KIFC3: variants seen among roughly 807,000 people sequenced by gnomAD.
KIFC3 encodes kinesin-like protein KIFC3.
A neutral mutation model predicts 101.8 loss-of-function variants in KIFC3; 60 were observed. The observed-to-expected ratio is 0.59, with a 90% CI of 0.48 to 0.73. The LOEUF is 0.73. KIFC3 is among the 30% of genes least tolerant of loss of function. KIFC3 has a pLI of 0.00. For missense variants in KIFC3, 966 were observed against 1,137.1 expected, an observed-to-expected ratio of 0.85 and a Z score of 2.16; for synonymous variants, 476 against 482.7, an observed-to-expected ratio of 0.99 and a Z score of 0.18.
chr16:57,811,102 G>T (rs2055061033), intron 1 of KIFC3, among the ~76,000 whole-genome samples: 1 of 152,194 alleles, frequency 6.6e-6, no homozygotes, highest in Non-Finnish European at 1.5e-5. Context: ...TGATCCAAGG[G>T]CAGGAGCATC....
intron 1 of KIFC3, among the ~76,000 whole-genome samples, chr16:57,844,448 A>T (rs1212437715): frequency 1.3e-5 from 2 of 151,614 alleles, no homozygotes; most frequent in Non-Finnish European, 2.9e-5. Context: ...AAAAAAAAAA[A>T]AAAAAGGCAG....
At chr16:57,855,945 CA>C (rs34278624) in intron 1 of KIFC3, among the ~76,000 whole-genome samples, 85,832 of 123,166 alleles carry the variant, frequency 0.7, 28,310 homozygotes, top group East Asian at 0.87. Context: ...GACTCCATCT[CA>C]AAAAAAAAAA....
chr16:57,842,450 G>A (rs2055833655), intron 1 of KIFC3, among the ~76,000 whole-genome samples: 1 of 152,184 alleles, frequency 6.6e-6, no homozygotes, highest in Non-Finnish European at 1.5e-5. Flanking sequence ...GTCCAGTGCA[G>A]CAGAGCGGGA....
upstream of KIFC3, chr16:57,807,787 A>G (rs2054969095): frequency 6.6e-6 from 1 of 152,066 alleles, no homozygotes; most frequent in Admixed American, 6.5e-5. Context: ...ACAACAAGCC[A>G]GGCGCGGTGG....
At chr16:57,765,805 A>T in intron 10 of KIFC3, 165 bp from the exon 11 acceptor site, 1 of 614,912 alleles carries the variant, frequency 1.6e-6, no homozygotes, top group Non-Finnish European at 2.8e-6. Context: ...CGTCATTCAC[A>T]CTATAGTATG....
chr16:57,821,335 C>T (rs192167501), intron 1 of KIFC3, among the ~76,000 whole-genome samples: 2 of 152,152 alleles, frequency 1.3e-5, no homozygotes, highest in Non-Finnish European at 2.9e-5. Flanking sequence ...CCAGACCTTG[C>T]GAAAGGATGT....
chr16:57,861,392 G>A (rs972517482), intron 1 of KIFC3, among the ~76,000 whole-genome samples: 3 of 152,126 alleles, frequency 2.0e-5, no homozygotes, highest in African/African-American at 7.2e-5. Flanking sequence ...AGTCACTCTG[G>A]TTAGGACATC....
chr16:57,758,634 C>A lies in KIFC3; in HGVS notation c.*300G>T, dbSNP rs782707286. On this transcript the variant is annotated 3_prime_UTR_variant, in exon 20 of 20. Coordinates refer to ENST00000445690, the MANE Select transcript of KIFC3 (RefSeq NM_001130100.2). ...CCCTCCTCCACACTCCCGCCCTCCT[C>A]ACGGGGCCCAGTTCGCTGATGGCCC... The A allele has an allele frequency of 7.2e-6, 5 of 699,000 alleles. No homozygotes were observed. Among genetic ancestry groups the A allele is most frequent in the Non-Finnish European group, 1.3e-5 (5 of 383,360 alleles). 43.3% of individuals were successfully genotyped at this position (699,000 alleles called of 1,614,324 possible).
intron 3 of KIFC3, among the ~76,000 whole-genome samples, chr16:57,789,855 G>C (rs1301407886): frequency 1.3e-5 from 2 of 152,002 alleles, no homozygotes; most frequent in Non-Finnish European, 2.9e-5. Context: ...TCCTGCCTCA[G>C]CCTCCCAAGT....
intron 1 of KIFC3, chr16:57,816,097 C>A: frequency 1.2e-6 from 1 of 862,242 alleles, no homozygotes; most frequent in Non-Finnish European, 1.6e-6. Flanking sequence ...AGGATGTGGT[C>A]AAATCCTCTT....
intron 1 of KIFC3, among the ~76,000 whole-genome samples, chr16:57,826,261 CACGTCATGCAT>C (rs2055456381): frequency 6.6e-6 from 1 of 152,222 alleles, no homozygotes; most frequent in Non-Finnish European, 1.5e-5. Context: ...GAAAGCTCTC[CACGTCATGCAT>C]ACACACTTGT....
chr16:57,855,343 T>A (rs2056144741), intron 1 of KIFC3, among the ~76,000 whole-genome samples: 1 of 151,962 alleles, frequency 6.6e-6, no homozygotes, highest in Non-Finnish European at 1.5e-5. Context: ...CAGGCTGGTC[T>A]CAAACACTGG....
Position 57,857,091 on chromosome 16 carries a change from A to G in KIFC3, c.108+5638T>C, listed in dbSNP as rs2056185315. Among the ~76,000 whole-genome samples the G allele has an allele frequency of 4.6e-5, 7 of 152,236 alleles. No individual in the cohort carries two copies. The South Asian group carries it at 1.2e-3, about 27-fold the overall frequency. ...CAACTGACCACATACCACAAAATCC[A>G]CCTGCAAAAGATACAGCAGTGCTTT... On this transcript the variant is annotated intron_variant, in intron 1 of 2. Coordinates refer to the KIFC3 transcript ENST00000563028.
chr16:57,789,665 T>C (rs1363555154), intron 3 of KIFC3, among the ~76,000 whole-genome samples: 1 of 152,268 alleles, frequency 6.6e-6, no homozygotes, highest in East Asian at 1.9e-4. Flanking sequence ...TTACATTTCA[T>C]GTTGAACCTC....
At chr16:57,829,420 AT>A (rs1223902610) in intron 1 of KIFC3, among the ~76,000 whole-genome samples, 4 of 152,010 alleles carry the variant, frequency 2.6e-5, no homozygotes, top group South Asian at 2.1e-4. Flanking sequence ...TATCTAGCTA[AT>A]TTTTAAAAGA....
At chr16:57,813,956 C>T in intron 1 of KIFC3, 5 of 671,222 alleles carry the variant, frequency 7.4e-6, no homozygotes, top group Non-Finnish European at 9.2e-6. Context: ...TCTTCCTGTA[C>T]ATCCCGCTAC....
rs971385089 is a variant in KIFC3 at position 57,853,290 on chromosome 16, A to C, written c.108+9439T>G. ...AAATATTAGCTGGGCATGGTGGTAC[A>C]TGCCTGTAGTCCCAGCTACCTGGAC... On this transcript the variant is annotated intron_variant, in intron 1 of 2. Transcript: ENST00000563028. Among the ~76,000 whole-genome samples, 4 of 152,106 alleles carry C rather than the reference A, an allele frequency of 2.6e-5. No homozygotes were observed. In the South Asian group the frequency reaches 6.2e-4, roughly 24 times the overall value.
At chr16:57,793,755 G>A (rs2054079671) in intron 3 of KIFC3, among the ~76,000 whole-genome samples, 1 of 151,980 alleles carries the variant, frequency 6.6e-6, no homozygotes, top group Non-Finnish European at 1.5e-5. Flanking sequence ...CTTGAACCCG[G>A]GAGGCGGATA....
At chr16:57,760,642 T>G in intron 16 of KIFC3, 84 bp downstream of exon 16, 1 of 1,310,704 alleles carries the variant, frequency 7.6e-7, no homozygotes, top group Non-Finnish European at 1.1e-6. Flanking sequence ...GAGGTCCATT[T>G]GCACAGCCTG....
Sources: gnomAD v4.1 joint callset for allele counts (sites outside exome capture counted in the v4.1 genomes callset) on GRCh38, gnomAD v4.1.1 for gene constraint, MANE v1.5 for transcripts, NCBI Gene and HGNC (gene_info 2026-07-23, HGNC 2026-07-21) for gene names.